DLGAP1: variants seen among roughly 807,000 people sequenced by gnomAD.
The protein encoded by DLGAP1 is DLG associated protein 1, also known as disks large-associated protein 1.
In DLGAP1, 11 loss-of-function variants were observed where a neutral mutation model predicts 90.8. The ratio of observed to expected loss-of-function variants is 0.12; its 90% confidence interval spans 0.08 to 0.20. The LOEUF (loss-of-function observed/expected upper bound fraction) is 0.20. Among genes scored for constraint, DLGAP1 ranks in the 10% least tolerant of loss-of-function variants. DLGAP1 has a pLI of 1.00. For synonymous variants in DLGAP1, 558 were observed against 540.7 expected (o/e 1.03, Z -0.44); for missense variants, 1,050 against 1,333.8 (o/e 0.79, Z 3.31).
At chr18:3,770,557 C>A (rs2148002795) in intron 5 of DLGAP1, among the ~76,000 whole-genome samples, 1 of 152,200 alleles carries the variant, frequency 6.6e-6, no homozygotes, top group African/African-American at 2.4e-5. Context: ...TTTACATGGG[C>A]TTTAGCTGTA....
chr18:3,974,904 AT>A (rs1419124185), intron 3 of DLGAP1, among the ~76,000 whole-genome samples: 4 of 151,384 alleles, frequency 2.6e-5, no homozygotes, highest in Admixed American at 6.6e-5. Context: ...TAAAAAAAAA[AT>A]AAAAATAAAA....
intron 3 of DLGAP1, among the ~76,000 whole-genome samples, chr18:4,000,673 T>A (rs1250993969): frequency 2.0e-5 from 3 of 152,216 alleles, no homozygotes; most frequent in Non-Finnish European, 4.4e-5. Flanking sequence ...AAGATCAATG[T>A]TGCTGGTTAT....
At chr18:3,908,568 A>ATT (rs2071963646) in intron 3 of DLGAP1, among the ~76,000 whole-genome samples, 1 of 152,156 alleles carries the variant, frequency 6.6e-6, no homozygotes, top group Non-Finnish European at 1.5e-5. Context: ...GTTGGTGGCC[A>ATT]CTGTCATAGG....
chr18:3,622,333 C>A (rs1280778786), intron 7 of DLGAP1, among the ~76,000 whole-genome samples: 1 of 152,116 alleles, frequency 6.6e-6, no homozygotes, highest in Non-Finnish European at 1.5e-5. Context: ...TCTCGATCTC[C>A]TGACCTCGTG....
chr18:3,523,727 G>T (rs1366705028), intron 10 of DLGAP1, among the ~76,000 whole-genome samples: 1 of 151,906 alleles, frequency 6.6e-6, no homozygotes, highest in Non-Finnish European at 1.5e-5. Flanking sequence ...TGCGCCCGTA[G>T]TCCCAGCTAC....
chr18:3,502,385 G>C, intron 12 of DLGAP1, 108 bp downstream of exon 12: 1 of 1,514,780 alleles, frequency 6.6e-7, no homozygotes, highest in Non-Finnish European at 8.8e-7. Context: ...TATGATATCA[G>C]CTCCATTTCA....
intron 10 of DLGAP1, among the ~76,000 whole-genome samples, chr18:3,511,421 TG>T (rs1464607528): frequency 6.6e-6 from 1 of 152,064 alleles, no homozygotes; most frequent in Non-Finnish European, 1.5e-5. Context: ...AAACAATAAA[TG>T]GTAAACACCA....
rs1266045485 is a variant in DLGAP1, at chr18:4,084,204, C to CA, written c.-159+66975dup. Among the ~76,000 whole-genome samples the CA allele has an allele frequency of 5.3e-5, 8 of 150,220 alleles. No homozygotes were observed. Among genetic ancestry groups the CA allele is most frequent in the Admixed American group, 2.0e-4 (3 of 15,040 alleles). ...TCTCTGCTGCAACCTGGTGTCTTAGCATAATGACTTGCAGCACGCAGTGGT... is the reference window on the plus strand; with the variant it reads ...TCTCTGCTGCAACCTGGTGTCTTAGCAATAATGACTTGCAGCACGCAGTGGT... On this transcript the variant is annotated intron_variant, in intron 2 of 12. Coordinates refer to ENST00000315677, the MANE Select transcript of DLGAP1 (RefSeq NM_004746.4). This position sits in a 1 kb window ranked among gnomAD's most constrained non-coding sequence, Gnocchi z 4.0.
At chr18:3,607,938 C>A (rs544851507) in intron 7 of DLGAP1, 1 of 152,202 alleles carries the variant, frequency 6.6e-6, no homozygotes, top group Non-Finnish European at 1.5e-5. Flanking sequence ...TAAAGCCACC[C>A]AAGTCAGGGA....
In DLGAP1 at chr18:4,342,465, A is replaced by C. The variant is rs1441093021; in HGVS notation, c.-267+112541T>G. 6.6e-6 allele frequency among the ~76,000 whole-genome samples: 1 copy of C among 152,204 alleles called. No individual in the cohort carries two copies. The highest frequency in any genetic ancestry group is 1.5e-5 in the Non-Finnish European group (1 of 68,036). Reference sequence around the variant, plus strand: ...TTTAAAACTCTGCTTTCTTTTAAATAAGAGCCATTTCTAACTTTGATCAAA... The same window carrying C: ...TTTAAAACTCTGCTTTCTTTTAAATCAGAGCCATTTCTAACTTTGATCAAA... On this transcript the variant is annotated intron_variant, in intron 1 of 12. Coordinates refer to ENST00000315677, the MANE Select transcript of DLGAP1 (RefSeq NM_004746.4). This position sits in a 1 kb window ranked among gnomAD's most constrained non-coding sequence, Gnocchi z 5.8.
chr18:3,807,660 CT>C (rs67232617), intron 5 of DLGAP1, among the ~76,000 whole-genome samples: 115,463 of 151,494 alleles, frequency 0.76, 44,233 homozygotes, highest in African/African-American at 0.83. Flanking sequence ...TAAACGTGTG[CT>C]CTGGTGGTTT....
At chr18:4,265,537 TTCCC>T (rs139587983) in intron 1 of DLGAP1, among the ~76,000 whole-genome samples, 1 of 106,996 alleles carries the variant, frequency 9.3e-6, no homozygotes, top group Non-Finnish European at 1.8e-5. Context: ...CCTTCCTTCC[TTCCC>T]TCCCCTTCCT....
intron 4 of DLGAP1, among the ~76,000 whole-genome samples, chr18:3,875,010 G>A (rs1052593092): frequency 3.9e-5 from 6 of 152,100 alleles, no homozygotes; most frequent in East Asian, 1.9e-4. Flanking sequence ...TAAATTAAGC[G>A]AATTCTAAGT....
intron 1 of DLGAP1, among the ~76,000 whole-genome samples, chr18:4,181,503 C>T (rs1169898689): frequency 2.6e-5 from 4 of 152,098 alleles, no homozygotes; most frequent in Admixed American, 6.6e-5. Context: ...GGAGTCAATA[C>T]CTCTGTGAAC....
At chr18:4,272,162 A>C (rs1442835429) in intron 1 of DLGAP1, among the ~76,000 whole-genome samples, 1 of 152,174 alleles carries the variant, frequency 6.6e-6, no homozygotes, top group Non-Finnish European at 1.5e-5. Context: ...CGTAAGAAAT[A>C]TATATTTATC....
chr18:4,148,100 C>A (rs1042254299), intron 2 of DLGAP1, among the ~76,000 whole-genome samples: 2 of 152,090 alleles, frequency 1.3e-5, no homozygotes, highest in African/African-American at 4.8e-5. Context: ...AAACTAAAAG[C>A]CATGGCTTCA....
At chr18:3,600,757 G>GATATATAGATATATAGAT in intron 7 of DLGAP1, among the ~76,000 whole-genome samples, 1 of 8,726 alleles carries the variant, frequency 1.1e-4, no homozygotes, top group Non-Finnish European at 2.8e-4. Context: ...GATATATATA[G>GATATATAGATATATAGAT]ATATATAGAT....
intron 1 of DLGAP1, among the ~76,000 whole-genome samples, chr18:4,357,716 G>A (rs1044384586): frequency 3.3e-5 from 5 of 152,190 alleles, no homozygotes; most frequent in African/African-American, 7.2e-5. Context: ...AGCTGACACC[G>A]TCTCACTGCT....
intron 7 of DLGAP1, among the ~76,000 whole-genome samples, chr18:3,634,613 T>G (rs2146223349): frequency 6.6e-6 from 1 of 152,372 alleles, no homozygotes; most frequent in African/African-American, 2.4e-5. Context: ...ATGAATTCAC[T>G]TAATTTATGT....
Sources: gnomAD v4.1 joint callset for allele counts (sites outside exome capture counted in the v4.1 genomes callset) on GRCh38, gnomAD v4.1.1 for gene constraint, Gnocchi (gnomAD v3.1) non-coding constraint, MANE v1.5 for transcripts, NCBI Gene and HGNC (gene_info 2026-07-23, HGNC 2026-07-21) for gene names.